The following SOX6 variants were observed in gnomAD, a reference collection of about 807,000 sequenced individuals.
SOX6 encodes the protein SRY-box transcription factor 6, also known as transcription factor SOX-6.
SOX6 carries 11 observed loss-of-function variants against 97.8 expected under a neutral mutation model. That is an observed-to-expected ratio of 0.11 (90% confidence interval 0.07 to 0.19). The LOEUF (loss-of-function observed/expected upper bound fraction) is 0.19. Among genes scored for constraint, SOX6 ranks in the 10% least tolerant of loss-of-function variants. The pLI, the probability that SOX6 is intolerant of heterozygous loss-of-function variation, is 1.00. For synonymous variants in SOX6, 360 were observed against 371.4 expected (o/e 0.97, Z 0.35); for missense variants, 810 against 1,039.5 (o/e 0.78, Z 3.04).
chr11:16,267,095 A>T, intron 3 of SOX6, among the ~76,000 whole-genome samples: 1 of 151,662 alleles, frequency 6.6e-6, no homozygotes, highest in Non-Finnish European at 1.5e-5. Context: ...TCCTAGAAGA[A>T]AACATAGAGG....
intron 9 of SOX6, among the ~76,000 whole-genome samples, chr11:16,070,692 G>A (rs994843760): frequency 6.6e-6 from 1 of 151,934 alleles, no homozygotes; most frequent in Admixed American, 6.5e-5. Flanking sequence ...GAGCAGAGAC[G>A]AGTGAAACTG....
intron 7 of SOX6, among the ~76,000 whole-genome samples, chr11:16,106,752 T>A (rs941340289): frequency 2.4e-4 from 36 of 151,986 alleles, no homozygotes; most frequent in African/African-American, 8.7e-4. Flanking sequence ...TTGGACTCCA[T>A]CAAAATTAAG....
chr11:16,243,282 T>C (rs1396810915), intron 3 of SOX6, among the ~76,000 whole-genome samples: 5 of 151,970 alleles, frequency 3.3e-5, no homozygotes, highest in Admixed American at 2.6e-4. Flanking sequence ...CTAGTACTTA[T>C]CAATTTTTAC....
chr11:16,223,216 GC>G (rs1290139890), intron 4 of SOX6, among the ~76,000 whole-genome samples: 1 of 152,058 alleles, frequency 6.6e-6, no homozygotes, highest in African/African-American at 2.4e-5. Flanking sequence ...GAGATGCTGG[GC>G]TAAAAGTCTC....
At chr11:16,260,681 T>A (rs1315533753) in intron 3 of SOX6, among the ~76,000 whole-genome samples, 2 of 152,168 alleles carry the variant, frequency 1.3e-5, no homozygotes, top group Non-Finnish European at 2.9e-5. Flanking sequence ...ACCATTATCA[T>A]CCGAAGACAA....
At chr11:16,389,870 T>C (rs1858111203) in intron 1 of SOX6, among the ~76,000 whole-genome samples, 1 of 146,024 alleles carries the variant, frequency 6.8e-6, no homozygotes, top group Non-Finnish European at 1.5e-5. Flanking sequence ...TTCGGGAGGC[T>C]GAGGCAGGAG....
intron 3 of SOX6, among the ~76,000 whole-genome samples, chr11:16,706,809 C>A (rs1047860063): frequency 1.3e-5 from 2 of 151,530 alleles, no homozygotes; most frequent in African/African-American, 4.9e-5. Flanking sequence ...ATTAGAAAAC[C>A]ATTTTTTTTT....
chr11:16,305,817 T>C (rs1450873307), intron 3 of SOX6, among the ~76,000 whole-genome samples: 1 of 152,202 alleles, frequency 6.6e-6, no homozygotes, highest in South Asian at 2.1e-4. Context: ...GAGTTTTTTT[T>C]TTTAAGTAAA....
At chr11:16,440,870 A>G (rs1261006097) in intron 1 of SOX6, among the ~76,000 whole-genome samples, 1 of 152,148 alleles carries the variant, frequency 6.6e-6, no homozygotes, top group Non-Finnish European at 1.5e-5. Context: ...CTGAAAATAC[A>G]TCTACCCATT....
At chr11:16,539,867 C>A (rs1861375295) in intron 4 of SOX6, among the ~76,000 whole-genome samples, 1 of 152,086 alleles carries the variant, frequency 6.6e-6, no homozygotes, top group Non-Finnish European at 1.5e-5. Context: ...CAAACGGACT[C>A]ACAGCCAAAT....
intron 1 of SOX6, among the ~76,000 whole-genome samples, chr11:16,349,797 C>T (rs567847349): frequency 5.4e-4 from 81 of 151,276 alleles, no homozygotes; most frequent in Non-Finnish European, 1.1e-3. Flanking sequence ...AAAATATTTC[C>T]TACAGCTAAT....
intron 4 of SOX6, among the ~76,000 whole-genome samples, chr11:16,541,716 CTCA>C (rs1861412064): frequency 6.6e-6 from 1 of 152,180 alleles, no homozygotes; most frequent in Admixed American, 6.6e-5. Flanking sequence ...TGAAAAAATG[CTCA>C]TCATCACTGG....
At chr11:16,387,896 A>C (rs918024061) in intron 1 of SOX6, among the ~76,000 whole-genome samples, 1 of 152,090 alleles carries the variant, frequency 6.6e-6, no homozygotes. Context: ...CAAAGATACA[A>C]TCCTACTTTT....
Position 16,103,791 on chromosome 11 carries a change from G to A in SOX6, c.899-6103C>T, listed in dbSNP as rs529309883. ...ACTCAGAAATGGAAAACCAAGCATC[G>A]TATTCTCACTCACATGTGAGAGTTC... On this transcript the variant is annotated intron_variant, in intron 7 of 15. Coordinates refer to ENST00000683767, the MANE Select transcript of SOX6 (RefSeq NM_001367873.1). Among the ~76,000 whole-genome samples, 28 of 151,658 alleles carry A rather than the reference G, an allele frequency of 1.8e-4. No individual in the cohort carries two copies. The South Asian group carries it at 4.8e-3, about 26-fold the overall frequency.
intron 1 of SOX6, among the ~76,000 whole-genome samples, chr11:16,421,139 C>T (rs1859014052): frequency 6.6e-6 from 1 of 152,166 alleles, no homozygotes; most frequent in African/African-American, 2.4e-5. Context: ...TCCTTATTCT[C>T]GAGCAAATAT....
At chr11:16,061,287 C>T (rs1847945308) in intron 9 of SOX6, among the ~76,000 whole-genome samples, 1 of 140,880 alleles carries the variant, frequency 7.1e-6, no homozygotes, top group Non-Finnish European at 1.5e-5. Context: ...GAAGGCAATC[C>T]CAGTTACAAT....
intron 9 of SOX6, among the ~76,000 whole-genome samples, chr11:16,091,893 A>G (rs1490925783): frequency 6.6e-6 from 1 of 152,102 alleles, no homozygotes; most frequent in Admixed American, 6.6e-5. Context: ...CTGTTAAAAT[A>G]TGTTCCAACT....
intron 4 of SOX6, 22 bp downstream of exon 4, chr11:16,234,560 T>G (rs757674964): frequency 7.4e-7 from 1 of 1,359,366 alleles, no homozygotes; most frequent in Non-Finnish European, 1.0e-6. Context: ...CATTGACATG[T>G]TCGATATATT....
chr11:16,697,314 T>A (rs574339896), intron 3 of SOX6, among the ~76,000 whole-genome samples: 1 of 152,136 alleles, frequency 6.6e-6, no homozygotes, highest in Non-Finnish European at 1.5e-5. Flanking sequence ...CTTAATGGCA[T>A]CTAGAATGGT....
Sources: allele counts gnomAD v4.1 joint callset (sites outside exome capture counted in the v4.1 genomes callset), GRCh38; gene constraint gnomAD v4.1.1; transcripts MANE v1.5; gene names NCBI Gene and HGNC (gene_info 2026-07-23, HGNC 2026-07-21).